The following SRPK1 variants were observed in gnomAD, a reference collection of about 807,000 sequenced individuals.
The protein encoded by SRPK1 is SRSF protein kinase 1.
Under a neutral mutation model 89.5 loss-of-function variants are expected in SRPK1, and 52 were observed. That is an observed-to-expected ratio of 0.58 (90% CI 0.46 to 0.73). The LOEUF is 0.73. SRPK1 is among the 30% of genes least tolerant of loss of function. The pLI is 0.00. For missense variants in SRPK1, 603 were observed against 780.6 expected (o/e 0.77, Z 2.71); for synonymous variants, 255 against 270.2 (o/e 0.94, Z 0.55).
intron 13 of SRPK1, among the ~76,000 whole-genome samples, chr6:35,852,582 G>T (rs1769578072): frequency 6.6e-6 from 1 of 152,194 alleles, no homozygotes; most frequent in Non-Finnish European, 1.5e-5. Flanking sequence ...AATCTTTGGT[G>T]AAATCTAAAG....
intron 9 of SRPK1, among the ~76,000 whole-genome samples, 160 bp downstream of exon 9, chr6:35,870,774 T>A (rs1439595554): frequency 6.6e-6 from 1 of 152,206 alleles, no homozygotes. Flanking sequence ...ACAAATGTGA[T>A]GAAGGTGCAT....
chr6:35,900,452 G>A (rs1162030052), intron 2 of SRPK1, among the ~76,000 whole-genome samples: 1 of 152,218 alleles, frequency 6.6e-6, no homozygotes, highest in Non-Finnish European at 1.5e-5. Flanking sequence ...CACTGGGAAT[G>A]CAGCTGTGAG....
intron 14 of SRPK1, among the ~76,000 whole-genome samples, chr6:35,839,613 C>A (rs757827278): frequency 1.3e-5 from 2 of 150,436 alleles, no homozygotes; most frequent in South Asian, 2.1e-4. Context: ...AGTACACACA[C>A]CTCAGGTAGA....
At chr6:35,883,375 A>C (rs915777343) in intron 6 of SRPK1, among the ~76,000 whole-genome samples, 1 of 152,130 alleles carries the variant, frequency 6.6e-6, no homozygotes, top group Non-Finnish European at 1.5e-5. Context: ...GCCAACAAGA[A>C]CGAAACTCTG....
chr6:35,906,916 G>A (rs1331367883), intron 2 of SRPK1, among the ~76,000 whole-genome samples: 1 of 152,176 alleles, frequency 6.6e-6, no homozygotes, highest in Non-Finnish European at 1.5e-5. Context: ...TCATTTTGGA[G>A]CATGCTAGGG....
intron 2 of SRPK1, among the ~76,000 whole-genome samples, chr6:35,912,539 A>G (rs1770993054): frequency 6.6e-6 from 1 of 152,232 alleles, no homozygotes; most frequent in Admixed American, 6.5e-5. Flanking sequence ...CATAACTTTT[A>G]TATGCATTGG....
chr6:35,881,449 AG>A (rs1770287375), intron 6 of SRPK1, among the ~76,000 whole-genome samples: 2 of 88,942 alleles, frequency 2.2e-5, no homozygotes, highest in African/African-American at 6.6e-5. Flanking sequence ...ATATAGATAT[AG>A]ATATAGATAT....
At chr6:35,877,914 G>A (rs1245178956) in intron 6 of SRPK1, among the ~76,000 whole-genome samples, 1 of 151,548 alleles carries the variant, frequency 6.6e-6, no homozygotes, top group South Asian at 2.1e-4. Context: ...AAAACACACT[G>A]GATGGAACAA....
chr6:35,871,817 T>C (rs568883715), intron 8 of SRPK1, among the ~76,000 whole-genome samples: 3 of 152,304 alleles, frequency 2.0e-5, no homozygotes, highest in East Asian at 3.9e-4. Context: ...TCACAACTCG[T>C]GGCAGCCTTG....
chr6:35,838,310 T>C (rs1423736334), intron 15 of SRPK1, 27 bp downstream of exon 15: 1 of 1,478,480 alleles, frequency 6.8e-7, no homozygotes, highest in Non-Finnish European at 9.1e-7. Context: ...TCTGCCTCCT[T>C]AATGTCTGGG....
At chr6:35,911,593 T>G (rs1393768490) in intron 2 of SRPK1, among the ~76,000 whole-genome samples, 1 of 151,578 alleles carries the variant, frequency 6.6e-6, no homozygotes, top group African/African-American at 2.4e-5. Flanking sequence ...AAAAAATAAG[T>G]TTCTTTCTTT....
chr6:35,860,054 C>T (rs1471253964), intron 12 of SRPK1, among the ~76,000 whole-genome samples: 5 of 151,574 alleles, frequency 3.3e-5, no homozygotes, highest in Non-Finnish European at 5.9e-5. Flanking sequence ...TTAGTAGAGA[C>T]GGGGTTTCAC....
At position 35,869,640 on chromosome 6, in the gene SRPK1, G is replaced by GTTAT. The variant is rs1561978511; in HGVS notation, c.1249_1252dup (p.Thr418AsnfsTer4). The GTTAT allele has an allele frequency of 6.2e-7, 1 of 1,613,976 alleles. No homozygotes were observed. The highest frequency in any genetic ancestry group is 1.1e-5 in the South Asian group (1 of 91,084). ...CACCATGGTGTCTGACACCTCAGAT[G>GTTAT]TTATAGGTGTACAAGAGTCTGTTTC... On this transcript the variant is annotated frameshift_variant, in exon 11 of 16. Coordinates refer to ENST00000373825, the MANE Select transcript of SRPK1 (RefSeq NM_003137.5). LOFTEE classifies it high-confidence loss of function.
chr6:35,883,835 C>T (rs139570918), intron 6 of SRPK1, among the ~76,000 whole-genome samples: 2,304 of 151,858 alleles, frequency 0.015, 43 homozygotes, highest in African/African-American at 0.046. Flanking sequence ...CCCAGGTTCA[C>T]GCCATTCTCC....
chr6:35,919,935 C>T (rs1366345394), intron 2 of SRPK1: 1 of 382,518 alleles, frequency 2.6e-6, no homozygotes, highest in Non-Finnish European at 5.1e-6. Context: ...AGCCGATACG[C>T]CTTACAGGCT....
chr6:35,834,677 T>TA lies in SRPK1; in HGVS notation c.*626dup, dbSNP rs1769137830. 6.6e-6 allele frequency: 1 copy of TA among 152,178 alleles called. No individual in the cohort carries two copies. The allele number at this position is 152,178 out of a possible 1,614,324, so 9.4% of individuals were successfully genotyped here. A position where few individuals can be genotyped will look rare whatever the true frequency, so the allele number is the denominator to read the frequency against. ...CTGAAGATTCAAAGATCTTAACTAT[T>TA]AAAGGATGAAAGGAATTTGACAGTG... On this transcript the variant is annotated 3_prime_UTR_variant, in exon 16 of 16. Transcript: ENST00000373825.
intron 4 of SRPK1, 58 bp downstream of exon 4, chr6:35,888,757 A>C: frequency 8.8e-7 from 1 of 1,140,206 alleles, no homozygotes; most frequent in Non-Finnish European, 1.3e-6. Context: ...GTGGAAACTC[A>C]GACAAACACA....
intron 2 of SRPK1, among the ~76,000 whole-genome samples, chr6:35,901,032 G>C (rs1290182152): frequency 6.6e-6 from 1 of 151,784 alleles, no homozygotes; most frequent in Non-Finnish European, 1.5e-5. Context: ...AAGAAGGAGA[G>C]ACTAAAAGCT....
Position 35,920,506 on chromosome 6 carries a change from C to T in SRPK1, c.36G>A (p.Lys12=). 6.2e-7 allele frequency: 1 copy of T among 1,613,418 alleles called. No homozygotes were observed. Among genetic ancestry groups the T allele is most frequent in the Non-Finnish European group, 8.5e-7 (1 of 1,179,524 alleles). ...ERKVLALQAR[K]KRTKAKKDKA... ...TGTCCTTCTTGGCCTTGGTCCTTTT[C>T]TTTCGGGCCTGGAGCGCAAGCACTG... is the stretch of plus-strand genomic sequence containing the variant. The change falls in exon 2 of 16, where the codon AAG becomes AAA. Residue 12 remains lysine (K), a synonymous_variant. Transcript: ENST00000373825.
Sources: gnomAD v4.1 joint callset for allele counts (sites outside exome capture counted in the v4.1 genomes callset) on GRCh38, gnomAD v4.1.1 for gene constraint, MANE v1.5 for transcripts, NCBI Gene and HGNC (gene_info 2026-07-23, HGNC 2026-07-21) for gene names.